The following SLC26A8 variants were observed in gnomAD, a reference collection of about 807,000 sequenced individuals.
SLC26A8 encodes the protein testis anion transporter 1.
SLC26A8 carries 70 observed loss-of-function variants against 105.0 expected under a neutral mutation model. The observed-to-expected ratio is 0.67, with a 90% confidence interval of 0.55 to 0.81. SLC26A8 has a LOEUF of 0.81. Among genes scored for constraint, SLC26A8 ranks in the 40% least tolerant of loss-of-function variants. The probability of loss-of-function intolerance (pLI) is 0.00; values close to 1 mark genes in which losing one functional copy is unlikely to be tolerated. For missense variants in SLC26A8, 998 were observed against 1,181.8 expected, an observed-to-expected ratio of 0.84 and a Z score of 2.28; for synonymous variants, 415 against 438.3, an observed-to-expected ratio of 0.95 and a Z score of 0.66.
At chr6:35,956,428 C>CA (rs56146863) in intron 16 of SLC26A8, among the ~76,000 whole-genome samples, 3,040 of 105,734 alleles carry the variant, frequency 0.029, 95 homozygotes, top group African/African-American at 0.087. Flanking sequence ...ACCTTATGTC[C>CA]AAAAAAAAAA....
chr6:35,986,649 C>T (rs1324300261), intron 7 of SLC26A8, among the ~76,000 whole-genome samples: 4 of 152,126 alleles, frequency 2.6e-5, no homozygotes, highest in Non-Finnish European at 4.4e-5. Context: ...CCTCTGGGTT[C>T]ATCCATGTTG....
chr6:35,989,130 G>A (rs748361148), intron 7 of SLC26A8, among the ~76,000 whole-genome samples: 24 of 152,030 alleles, frequency 1.6e-4, no homozygotes, highest in South Asian at 1.0e-3. Context: ...GTGAGCCACC[G>A]CACCCGGCCA....
intron 16 of SLC26A8, among the ~76,000 whole-genome samples, 174 bp from the exon 17 acceptor site, chr6:35,955,694 C>T (rs1772033903): frequency 6.6e-6 from 1 of 152,136 alleles, no homozygotes; most frequent in Non-Finnish European, 1.5e-5. Flanking sequence ...AAGCTCACAA[C>T]TGAAGCCCCC....
At chr6:35,954,934 G>A (rs1341726259) in intron 17 of SLC26A8, 3 of 495,596 alleles carry the variant, frequency 6.1e-6, no homozygotes, top group Non-Finnish European at 1.1e-5. Flanking sequence ...AACAGAGTGA[G>A]GCTCCATCTC....
intron 3 of SLC26A8, 61 bp downstream of exon 3, chr6:36,012,171 TG>T: frequency 6.4e-7 from 1 of 1,571,734 alleles, no homozygotes; most frequent in Non-Finnish European, 8.6e-7. Context: ...TTGTTTACCC[TG>T]GGCACGTGGA....
At position 36,024,538 on chromosome 6, in the gene SLC26A8, G is replaced by C. The variant is rs1260592184; in HGVS notation, c.-37C>G. On this transcript the variant is annotated 5_prime_UTR_variant, in exon 1 of 20. Transcript: ENST00000490799. The stretch of plus-strand genomic sequence containing the variant: ...TGGCGGGGGCGGGAGTGCGGGCGCT[G>C]GGATCCCACACGGCTCTCGCCTGGC... 1.2e-5 allele frequency: 5 copies of C among 422,980 alleles called. No individual in the cohort carries two copies. Among genetic ancestry groups the C allele is most frequent in the Non-Finnish European group, 2.3e-5 (5 of 213,390 alleles). The allele number at this position is 422,980 out of a possible 1,614,324, so 26.2% of individuals were successfully genotyped here. A position where few individuals can be genotyped will look rare whatever the true frequency, so the allele number is the denominator to read the frequency against.
At chr6:35,966,136 G>T (rs1772509960) in intron 11 of SLC26A8, among the ~76,000 whole-genome samples, 1 of 152,098 alleles carries the variant, frequency 6.6e-6, no homozygotes, top group Non-Finnish European at 1.5e-5. Flanking sequence ...ACGAGGAATG[G>T]CTGAGTCCAC....
At chr6:35,977,457 TTAA>T in intron 8 of SLC26A8, 106 bp from the exon 9 acceptor site, 1 of 1,186,536 alleles carries the variant, frequency 8.4e-7, no homozygotes, top group African/African-American at 1.6e-5. Context: ...TTTTTTTTTT[TTAA>T]TAACAATAGG....
chr6:35,950,753 CA>C (rs1771840151), intron 19 of SLC26A8, among the ~76,000 whole-genome samples: 1 of 152,144 alleles, frequency 6.6e-6, no homozygotes, highest in Non-Finnish European at 1.5e-5. Context: ...TATTATTATT[CA>C]TCCCAAGAGT....
chr6:35,977,438 G>GTTT, intron 8 of SLC26A8, 87 bp from the exon 9 acceptor site: 1 of 1,145,212 alleles, frequency 8.7e-7, no homozygotes. Context: ...GGGCTGTCCT[G>GTTT]ATTCTTTTTT....
chr6:35,962,734 G>T, intron 11 of SLC26A8, 113 bp from the exon 12 acceptor site: 1 of 848,944 alleles, frequency 1.2e-6, no homozygotes, highest in Non-Finnish European at 1.9e-6. Context: ...ATTTTGCATT[G>T]ATATTTTATA....
At chr6:35,966,619 T>C (rs1186044314) in intron 11 of SLC26A8, among the ~76,000 whole-genome samples, 1 of 152,210 alleles carries the variant, frequency 6.6e-6, no homozygotes, top group Non-Finnish European at 1.5e-5. Context: ...GTGTTGGTCC[T>C]CTTGTAACTA....
At chr6:36,010,874 G>A (rs1761837326) in intron 3 of SLC26A8, among the ~76,000 whole-genome samples, 1 of 151,776 alleles carries the variant, frequency 6.6e-6, no homozygotes, top group African/African-American at 2.4e-5. Flanking sequence ...TACACCAAAA[G>A]GGGAAAAAAA....
chr6:36,015,009 T>C (rs562607320), intron 2 of SLC26A8, among the ~76,000 whole-genome samples: 1 of 152,216 alleles, frequency 6.6e-6, no homozygotes, highest in East Asian at 1.9e-4. Context: ...ATAAGGAAAC[T>C]GAGGCACAGC....
chr6:35,999,782 C>T (rs1272324493), intron 4 of SLC26A8, among the ~76,000 whole-genome samples: 1 of 152,146 alleles, frequency 6.6e-6, no homozygotes, highest in African/African-American at 2.4e-5. Flanking sequence ...CTTTGGGAAA[C>T]ATCTTGCTGG....
intron 7 of SLC26A8, among the ~76,000 whole-genome samples, chr6:35,985,633 C>T (rs570668601): frequency 7.2e-6 from 1 of 138,414 alleles, no homozygotes; most frequent in East Asian, 2.3e-4. Context: ...GCAGAGGCTG[C>T]AGTGAGCTGA....
At chr6:36,006,182 T>G (rs1761679506) in intron 3 of SLC26A8, among the ~76,000 whole-genome samples, 1 of 150,322 alleles carries the variant, frequency 6.7e-6, no homozygotes, top group Admixed American at 6.7e-5. Flanking sequence ...TGCAGTGGTG[T>G]GATCTCAGTT....
At chr6:36,019,811 CT>C in intron 1 of SLC26A8, 102 bp from the exon 2 acceptor site, 1 of 1,063,672 alleles carries the variant, frequency 9.4e-7, no homozygotes, top group Non-Finnish European at 1.3e-6. Context: ...ATGTTTTACA[CT>C]TGCATAGCAT....
chr6:36,019,968 C>G (rs1249822249), intron 1 of SLC26A8, among the ~76,000 whole-genome samples: 2 of 152,172 alleles, frequency 1.3e-5, no homozygotes, highest in Non-Finnish European at 2.9e-5. Context: ...ACCCAGGTGT[C>G]CTGCTGGGAG....
Sources: gnomAD v4.1 joint callset for allele counts (sites outside exome capture counted in the v4.1 genomes callset) on GRCh38, gnomAD v4.1.1 for gene constraint, MANE v1.5 for transcripts, NCBI Gene and HGNC (gene_info 2026-07-23, HGNC 2026-07-21) for gene names.